ERCC8: variants seen among roughly 807,000 people sequenced by gnomAD.
ERCC8 encodes DNA excision repair protein ERCC-8.
A neutral mutation model predicts 54.9 loss-of-function variants in ERCC8; 52 were observed. That is an observed-to-expected ratio of 0.95 (90% CI 0.76 to 1.19). The LOEUF (loss-of-function observed/expected upper bound fraction) is 1.19. Ranked by LOEUF, ERCC8 falls within the 50% of genes most tolerant of loss-of-function variation. The probability of loss-of-function intolerance (pLI) is 0.00; values close to 1 mark genes in which losing one functional copy is unlikely to be tolerated. For synonymous variants in ERCC8, 146 were observed against 157.2 expected, an observed-to-expected ratio of 0.93 and a Z score of 0.53; for missense variants, 514 against 466.1, an observed-to-expected ratio of 1.10 and a Z score of -0.95.
intron 11 of ERCC8, among the ~76,000 whole-genome samples, chr5:60,880,998 T>C (rs1025595963): frequency 6.6e-6 from 1 of 152,192 alleles, no homozygotes; most frequent in East Asian, 1.9e-4. Context: ...TGTGGTTTTA[T>C]CTACCTTTGG....
chr5:60,944,984 G>A lies in ERCC8; in HGVS notation c.25C>T (p.Gln9Ter), dbSNP rs1750394051. MLGFLSARQTGLEDPLRLR... is the reference protein window; with the variant it reads MLGFLSAR The stretch of plus-strand genomic sequence containing the variant: ...CGAAGAGGGTCCTCCAAACCCGTTT[G>A]GCGTGCGGACAAAAACCCCAGCATA... The change falls in exon 1 of 12, where the codon CAA becomes TAA. Residue 9 changes from glutamine (Q) to a stop codon, truncating the protein, a stop_gained. Transcript: ENST00000676185. LOFTEE classifies it high-confidence loss of function. The A allele has an allele frequency of 6.2e-7, 1 of 1,614,028 alleles. No individual in the cohort carries two copies.
At chr5:60,921,425 C>A (rs1310806100) in intron 3 of ERCC8, among the ~76,000 whole-genome samples, 2 of 151,754 alleles carry the variant, frequency 1.3e-5, no homozygotes, top group African/African-American at 4.8e-5. Flanking sequence ...GATTAAATGA[C>A]CACAATGGAA....
chr5:60,922,272 T>C (rs1468538676), intron 2 of ERCC8, 117 bp from the exon 3 acceptor site: 3 of 636,416 alleles, frequency 4.7e-6, no homozygotes, highest in Non-Finnish European at 8.3e-6. Context: ...TAAGGATACA[T>C]TAATTTATAA....
intron 4 of ERCC8, among the ~76,000 whole-genome samples, chr5:60,914,954 ATTC>A (rs1310570336): frequency 2.0e-5 from 3 of 151,938 alleles, no homozygotes; most frequent in Non-Finnish European, 2.9e-5. Flanking sequence ...ATGATATATT[ATTC>A]TTTTTGTATG....
chr5:60,907,775 C>T (rs1471550242), intron 4 of ERCC8, among the ~76,000 whole-genome samples: 7 of 152,132 alleles, frequency 4.6e-5, no homozygotes, highest in East Asian at 1.9e-4. Context: ...AGAGCATTTT[C>T]GCCCTACATT....
intron 11 of ERCC8, among the ~76,000 whole-genome samples, chr5:60,881,238 G>A (rs1054353750): frequency 6.6e-6 from 1 of 152,162 alleles, no homozygotes; most frequent in African/African-American, 2.4e-5. Flanking sequence ...TCTCAGAGGT[G>A]CACCTGGCTC....
chr5:60,918,481 T>G, intron 3 of ERCC8, 93 bp from the exon 4 acceptor site: 1 of 1,113,156 alleles, frequency 9.0e-7, no homozygotes, highest in South Asian at 1.3e-5. Context: ...TCAGGTAGGA[T>G]GATATGAATG....
At chr5:60,905,182 A>G (rs1318318878) in intron 4 of ERCC8, among the ~76,000 whole-genome samples, 4 of 152,158 alleles carry the variant, frequency 2.6e-5, no homozygotes, top group Admixed American at 2.6e-4. Context: ...CAGCATCTAC[A>G]TGGATGATGT....
rs981378332 is a variant in ERCC8, at chr5:60,872,417, A to C, written c.*2198T>G. On this transcript the variant is annotated 3_prime_UTR_variant, in exon 12 of 12. Transcript: ENST00000676185. Reference sequence around the variant, plus strand: ...TAACTATAGATCTGATAGGGGGTTAATATCCAAAATACATAAGGAACTCAA... The same window carrying C: ...TAACTATAGATCTGATAGGGGGTTACTATCCAAAATACATAAGGAACTCAA... 6.6e-6 allele frequency among the ~76,000 whole-genome samples: 1 copy of C among 152,228 alleles called. No individual in the cohort carries two copies. Among genetic ancestry groups the C allele is most frequent in the African/African-American group, 2.4e-5 (1 of 41,446 alleles).
intron 11 of ERCC8, among the ~76,000 whole-genome samples, chr5:60,877,760 G>C (rs1450785708): frequency 6.6e-6 from 1 of 152,212 alleles, no homozygotes; most frequent in African/African-American, 2.4e-5. Flanking sequence ...ATCAGCTTAA[G>C]GAGATTTTGG....
intron 4 of ERCC8, among the ~76,000 whole-genome samples, chr5:60,908,205 T>G (rs1413851510): frequency 1.3e-5 from 2 of 152,110 alleles, no homozygotes. Context: ...ACCAGAAATG[T>G]TTCAGAGTTC....
At chr5:60,908,494 A>T (rs1273301025) in intron 4 of ERCC8, among the ~76,000 whole-genome samples, 1 of 151,466 alleles carries the variant, frequency 6.6e-6, no homozygotes, top group Non-Finnish European at 1.5e-5. Flanking sequence ...CCATCTTACT[A>T]AATAACAAAA....
intron 11 of ERCC8, among the ~76,000 whole-genome samples, chr5:60,882,458 G>A (rs1748264897): frequency 2.0e-5 from 3 of 152,168 alleles, no homozygotes; most frequent in Admixed American, 6.5e-5. Context: ...GCAGTGGCAT[G>A]ATCTTGGCTC....
At chr5:60,903,425 T>C in intron 6 of ERCC8, 2 of 643,800 alleles carry the variant, frequency 3.1e-6, no homozygotes, top group Non-Finnish European at 4.9e-6. Context: ...ATTTTTCATA[T>C]TGTTTGAGCT....
intron 4 of ERCC8, among the ~76,000 whole-genome samples, chr5:60,906,410 G>A (rs968417397): frequency 5.3e-5 from 8 of 151,608 alleles, no homozygotes; most frequent in African/African-American, 1.9e-4. Flanking sequence ...AGGTGGTTGA[G>A]TTTTGGAGAA....
At chr5:60,939,293 G>A (rs1004034727) in intron 1 of ERCC8, among the ~76,000 whole-genome samples, 3 of 151,998 alleles carry the variant, frequency 2.0e-5, no homozygotes, top group Admixed American at 1.3e-4. Flanking sequence ...AAGGTTCATA[G>A]GTTTCCTCTC....
At position 60,874,599 on chromosome 5, in the gene ERCC8, G is replaced by T. The variant is rs562220187; in HGVS notation, c.*16C>A. ...AAAAAGTTTCAGCAGAGACAAAAAG[G>T]TACTAAAGATGATATTCATCCTTCT... On this transcript the variant is annotated 3_prime_UTR_variant, in exon 12 of 12. Transcript: ENST00000676185. 3.3e-5 allele frequency: 53 copies of T among 1,609,960 alleles called. No individual in the cohort carries two copies. Among genetic ancestry groups the T allele is most frequent in the Non-Finnish European group, 4.4e-5 (52 of 1,177,114 alleles).
chr5:60,886,794 T>G (rs1178085382), intron 11 of ERCC8, among the ~76,000 whole-genome samples: 2 of 151,592 alleles, frequency 1.3e-5, no homozygotes, highest in African/African-American at 4.8e-5. Flanking sequence ...ATTTAAGAGA[T>G]AATTCCACTT....
chr5:60,892,779 T>C, intron 9 of ERCC8: 1 of 688,884 alleles, frequency 1.5e-6, no homozygotes, highest in Non-Finnish European at 2.7e-6. Flanking sequence ...CCGGATGAAC[T>C]TGTCCAGGTA....
Sources: allele counts gnomAD v4.1 joint callset (sites outside exome capture counted in the v4.1 genomes callset), GRCh38; gene constraint gnomAD v4.1.1; transcripts MANE v1.5; gene names NCBI Gene and HGNC (gene_info 2026-07-23, HGNC 2026-07-21).